The following PATJ variants were observed in gnomAD, a reference collection of about 807,000 sequenced individuals.
PATJ encodes inaD-like protein.
PATJ carries 190 observed loss-of-function variants against 224.9 expected under a neutral mutation model. The ratio of observed to expected loss-of-function variants is 0.84; its 90% CI spans 0.75 to 0.95. PATJ has a LOEUF of 0.95. PATJ is among the 40% of genes least tolerant of loss of function. The pLI is 0.00. For synonymous variants in PATJ, 769 were observed against 820.3 expected (o/e 0.94, Z 1.07); for missense variants, 2,121 against 2,270.3 (o/e 0.93, Z 1.34).
intron 15 of PATJ, among the ~76,000 whole-genome samples, chr1:61,824,529 A>G (rs147923348): frequency 1.3e-4 from 19 of 151,130 alleles, no homozygotes; most frequent in African/African-American, 4.1e-4. Context: ...GGGCTCAAGC[A>G]ATCTTCCCAC....
At chr1:61,840,277 A>G (rs1445708106) in intron 17 of PATJ, among the ~76,000 whole-genome samples, 1 of 152,064 alleles carries the variant, frequency 6.6e-6, no homozygotes, top group Non-Finnish European at 1.5e-5. Flanking sequence ...CCTATGCACA[A>G]CAGAATGACT....
In PATJ at chr1:61,901,430, G is replaced by A. The variant is rs545651035; in HGVS notation, c.3352G>A (p.Ala1118Thr). ...AGACAGTCCAGCAGGGAAGACGAAC[G>A]CACTTAAAACTGGAGATAAAATACT... is the stretch of plus-strand genomic sequence containing the variant. Reference protein sequence around the residue: ...LEDSPAGKTNALKTGDKILEV... With the variant: ...LEDSPAGKTNTLKTGDKILEV... Residue 1118 changes from alanine to threonine, a missense_variant, in exon 24 of 44, where the codon GCA becomes ACA. Coordinates refer to ENST00000642238, the MANE Select transcript of PATJ (RefSeq NM_001350145.3). The A allele has an allele frequency of 4.9e-5, 77 of 1,583,016 alleles. No individual in the cohort carries two copies. The highest frequency in any genetic ancestry group is 1.7e-4 in the Middle Eastern group (1 of 5,998).
At chr1:61,803,296 G>T (rs576427814) in intron 12 of PATJ, among the ~76,000 whole-genome samples, 1 of 151,920 alleles carries the variant, frequency 6.6e-6, no homozygotes, top group East Asian at 1.9e-4. Flanking sequence ...ATAAATAAAA[G>T]ATAAAACATT....
At chr1:62,098,734 T>C (rs1661725982) in intron 33 of PATJ, among the ~76,000 whole-genome samples, 1 of 152,250 alleles carries the variant, frequency 6.6e-6, no homozygotes, top group Non-Finnish European at 1.5e-5. Flanking sequence ...CTGAGTCTTT[T>C]CTTTCACAGA....
chr1:62,158,113 G>A lies in PATJ; in HGVS notation c.5503-2795G>A, dbSNP rs908365458. On this transcript the variant is annotated intron_variant, in intron 43 of 43. Transcript: ENST00000642238. ...GGTAGATAGTAGATGCCCATTTTACGGCATCTGAGAAGACTAAGTGACCAA... is the reference window on the plus strand; with the variant it reads ...GGTAGATAGTAGATGCCCATTTTACAGCATCTGAGAAGACTAAGTGACCAA... Among the ~76,000 whole-genome samples, 7 of 149,390 alleles carry A rather than the reference G, an allele frequency of 4.7e-5. 1 individual carries two copies. The highest frequency in any genetic ancestry group is 7.3e-5 in the African/African-American group (3 of 41,356).
rs1005362558 is a variant in PATJ, at chr1:61,997,407, G to A, written c.3867+7043G>A. On this transcript the variant is annotated intron_variant, in intron 28 of 43. Transcript: ENST00000642238. ...TAAGTGCAGTCCTCTGGTCATTACA[G>A]CGTTGTAACCAATAGCTATCTGTGT... Among the ~76,000 whole-genome samples, 14 of 152,164 alleles carry A rather than the reference G, an allele frequency of 9.2e-5. No homozygotes were observed. In the South Asian group the frequency reaches 1.7e-3, roughly 18 times the overall value.
chr1:62,124,070 G>A (rs2148928026), intron 39 of PATJ, among the ~76,000 whole-genome samples: 2 of 152,054 alleles, frequency 1.3e-5, no homozygotes, highest in African/African-American at 4.8e-5. Flanking sequence ...TCTAATGAAA[G>A]TAGACTCTTT....
chr1:62,070,021 A>T (rs528701159), intron 31 of PATJ, among the ~76,000 whole-genome samples: 39 of 152,248 alleles, frequency 2.6e-4, no homozygotes, highest in African/African-American at 5.1e-4. Flanking sequence ...GGAAGAATAA[A>T]ACCAAATTAG....
At chr1:61,897,458 G>C (rs1303155640) in intron 22 of PATJ, among the ~76,000 whole-genome samples, 4 of 152,126 alleles carry the variant, frequency 2.6e-5, no homozygotes, top group Non-Finnish European at 4.4e-5. Flanking sequence ...TTGTCATCAG[G>C]GTCTTAAATA....
intron 30 of PATJ, among the ~76,000 whole-genome samples, chr1:62,044,296 C>G (rs949602577): frequency 7.9e-5 from 12 of 152,222 alleles, no homozygotes; most frequent in Non-Finnish European, 1.5e-4. Flanking sequence ...GCCCCTCCCA[C>G]TACTCTCTGC....
chr1:62,091,366 C>A (rs1660709638), intron 33 of PATJ, among the ~76,000 whole-genome samples: 1 of 152,202 alleles, frequency 6.6e-6, no homozygotes, highest in Non-Finnish European at 1.5e-5. Flanking sequence ...TAAGTTAAAT[C>A]TGCTTCTTCA....
At chr1:62,031,149 C>T (rs1311184418) in intron 29 of PATJ, among the ~76,000 whole-genome samples, 1 of 152,184 alleles carries the variant, frequency 6.6e-6, no homozygotes, top group Non-Finnish European at 1.5e-5. Context: ...TTACTGAGCC[C>T]TCTGTTCACC....
At chr1:61,770,045 A>G (rs533196562) in intron 5 of PATJ, among the ~76,000 whole-genome samples, 37 of 152,142 alleles carry the variant, frequency 2.4e-4, no homozygotes, top group Non-Finnish European at 4.4e-4. Context: ...TTTAATAAGT[A>G]TGCTATTCCA....
intron 7 of PATJ, 112 bp from the exon 8 acceptor site, chr1:61,787,642 T>TA (rs1648836806): frequency 2.8e-6 from 2 of 719,978 alleles, no homozygotes; most frequent in South Asian, 3.5e-5. Flanking sequence ...TTCAGCATTT[T>TA]AGGTGGCTTC....
chr1:62,030,528 G>T lies in PATJ; in HGVS notation c.3960-7449G>T, dbSNP rs886312234. 2.0e-5 allele frequency among the ~76,000 whole-genome samples: 3 copies of T among 151,536 alleles called. No individual in the cohort carries two copies. In the Admixed American group the frequency reaches 2.0e-4, roughly 10 times the overall value. On this transcript the variant is annotated intron_variant, in intron 29 of 43. Coordinates refer to ENST00000642238, the MANE Select transcript of PATJ (RefSeq NM_001350145.3). The stretch of plus-strand genomic sequence containing the variant: ...CATTATCATGGATTTATTTTTAATT[G>T]GGGTATAATTTATACTCAGTGCAAT...
In PATJ at chr1:62,054,915, C is replaced by T. The variant is rs190505991; in HGVS notation, c.4125+3857C>T. Among the ~76,000 whole-genome samples the T allele has an allele frequency of 6.4e-3, 966 of 152,026 alleles. 9 individuals are homozygous for T. The highest frequency in any genetic ancestry group is 0.041 in the South Asian group (197 of 4,802). Reference sequence around the variant, plus strand: ...ACGAAAAATACAAAAATTAGCTGGGCATGGTGGCGGGTGCCTGTAGTCCCA... The same window carrying T: ...ACGAAAAATACAAAAATTAGCTGGGTATGGTGGCGGGTGCCTGTAGTCCCA... On this transcript the variant is annotated intron_variant, in intron 31 of 43. Coordinates refer to ENST00000642238, the MANE Select transcript of PATJ (RefSeq NM_001350145.3).
rs1669967040 is a variant in PATJ at position 62,163,297 on chromosome 1, TC to T, written c.*2244del. On this transcript the variant is annotated 3_prime_UTR_variant, in exon 44 of 44. Coordinates refer to ENST00000642238, the MANE Select transcript of PATJ (RefSeq NM_001350145.3). ...TCCAAGATGTGCAATGTTGTTAGGA[TC>T]TCATTCTTCAGTGCATGAAAAGCTA... 6.5e-6 allele frequency: 1 copy of T among 152,870 alleles called. No homozygotes were observed. Among genetic ancestry groups the T allele is most frequent in the South Asian group, 2.1e-4 (1 of 4,872 alleles). The allele number at this position is 152,870 out of a possible 1,614,324, so 9.5% of individuals were successfully genotyped here. A position where few individuals can be genotyped will look rare whatever the true frequency, so the allele number is the denominator to read the frequency against.
chr1:61,902,088 G>A (rs1287471334), intron 24 of PATJ, among the ~76,000 whole-genome samples: 2 of 152,060 alleles, frequency 1.3e-5, no homozygotes, highest in Non-Finnish European at 2.9e-5. Context: ...GGGCGTAGTG[G>A]CACGTGCCTG....
chr1:62,134,449 G>A (rs1307169544), intron 41 of PATJ, among the ~76,000 whole-genome samples: 2 of 150,512 alleles, frequency 1.3e-5, no homozygotes, highest in South Asian at 2.1e-4. Flanking sequence ...AGGTTCAAGC[G>A]ATTCTCCTGC....
Sources: gnomAD v4.1 joint callset for allele counts (sites outside exome capture counted in the v4.1 genomes callset) on GRCh38, gnomAD v4.1.1 for gene constraint, MANE v1.5 for transcripts, NCBI Gene and HGNC (gene_info 2026-07-23, HGNC 2026-07-21) for gene names.